CSMD1: variants seen among roughly 807,000 people sequenced by gnomAD.
CSMD1 encodes CUB and sushi domain-containing protein 1.
CSMD1 carries 213 observed loss-of-function variants against 417.5 expected under a neutral mutation model. That is an observed-to-expected ratio of 0.51 (90% confidence interval 0.46 to 0.57). The LOEUF (loss-of-function observed/expected upper bound fraction) is 0.57, where lower values mean the gene tolerates loss of function less well. CSMD1 is among the 20% of genes least tolerant of loss of function. The pLI is 0.00. For synonymous variants in CSMD1, 2,862 were observed against 1,736.8 expected (o/e 1.65, Z -16.11); for missense variants, 6,923 against 4,529.7 (o/e 1.53, Z -15.17).
chr8:4,471,221 T>C (rs1800511920), intron 2 of CSMD1, among the ~76,000 whole-genome samples: 1 of 152,188 alleles, frequency 6.6e-6, no homozygotes, highest in Admixed American at 6.5e-5. Flanking sequence ...AGAAAAAGTC[T>C]CGTGTTCCCC....
At chr8:3,224,298 T>C (rs574112023) in intron 27 of CSMD1, among the ~76,000 whole-genome samples, 119 of 152,362 alleles carry the variant, frequency 7.8e-4, no homozygotes, top group Non-Finnish European at 2.8e-4. Flanking sequence ...TCTCACAGTT[T>C]ATAAAATCAT....
At chr8:4,306,405 A>G (rs1237380152) in intron 3 of CSMD1, among the ~76,000 whole-genome samples, 1 of 9,382 alleles carries the variant, frequency 1.1e-4, no homozygotes, top group African/African-American at 5.1e-4. Flanking sequence ...CCTACAGAAC[A>G]AAAAAATACA....
At chr8:3,560,352 C>G (rs1216922092) in intron 10 of CSMD1, among the ~76,000 whole-genome samples, 1 of 151,884 alleles carries the variant, frequency 6.6e-6, no homozygotes, top group African/African-American at 2.4e-5. Context: ...TTATCATCAC[C>G]ACAGTTATAT....
At chr8:3,515,939 G>A (rs1383026363) in intron 10 of CSMD1, among the ~76,000 whole-genome samples, 4 of 152,208 alleles carry the variant, frequency 2.6e-5, no homozygotes, top group Non-Finnish European at 5.9e-5. Flanking sequence ...ATACTAGTAT[G>A]TGTTTGAGTG....
chr8:3,904,413 G>C (rs1247144226), intron 5 of CSMD1, among the ~76,000 whole-genome samples: 2 of 152,050 alleles, frequency 1.3e-5, no homozygotes, highest in African/African-American at 4.8e-5. Context: ...ACCTATGTTA[G>C]TGCTTCTCAA....
chr8:4,132,514 C>A (rs558615608), intron 3 of CSMD1, among the ~76,000 whole-genome samples: 1 of 152,084 alleles, frequency 6.6e-6, no homozygotes, highest in Non-Finnish European at 1.5e-5. Flanking sequence ...AGGCATTCCC[C>A]TGTTTCTGGG....
At chr8:4,436,650 A>G (rs541239249) in intron 2 of CSMD1, among the ~76,000 whole-genome samples, 16 of 152,066 alleles carry the variant, frequency 1.1e-4, no homozygotes, top group Non-Finnish European at 2.1e-4. Flanking sequence ...TCCATTAACA[A>G]TCACCACCTC....
chr8:4,147,989 G>A (rs544518276), intron 3 of CSMD1, among the ~76,000 whole-genome samples: 1 of 152,194 alleles, frequency 6.6e-6, no homozygotes, highest in East Asian at 1.9e-4. Context: ...GTAGAGGTTA[G>A]GTCTTAAAAC....
At chr8:3,807,881 G>C (rs1011063815) in intron 5 of CSMD1, among the ~76,000 whole-genome samples, 3 of 152,088 alleles carry the variant, frequency 2.0e-5, no homozygotes, top group African/African-American at 7.2e-5. Flanking sequence ...AAGTACAAAA[G>C]CAATCCCCTT....
chr8:4,296,263 C>A (rs1465005711), intron 3 of CSMD1, among the ~76,000 whole-genome samples: 1 of 152,050 alleles, frequency 6.6e-6, no homozygotes, highest in African/African-American at 2.4e-5. Context: ...GTTTATAGCA[C>A]CAGAATTCAG....
intron 6 of CSMD1, among the ~76,000 whole-genome samples, chr8:3,720,007 T>A (rs191022189): frequency 6.6e-6 from 1 of 152,134 alleles, no homozygotes; most frequent in Non-Finnish European, 1.5e-5. Flanking sequence ...ACATGGCAAA[T>A]AGAAGCACCT....
At chr8:4,113,487 C>G (rs917292828) in intron 3 of CSMD1, among the ~76,000 whole-genome samples, 3 of 147,232 alleles carry the variant, frequency 2.0e-5, no homozygotes, top group Non-Finnish European at 4.4e-5. Flanking sequence ...TCACTGCAAC[C>G]TCTGCCTCCC....
intron 2 of CSMD1, among the ~76,000 whole-genome samples, chr8:4,548,926 T>A (rs901729133): frequency 2.6e-5 from 4 of 152,232 alleles, no homozygotes. Flanking sequence ...AAATTTCTCT[T>A]ACCTCCATAT....
chr8:3,794,989 C>G (rs547340942), intron 5 of CSMD1, among the ~76,000 whole-genome samples: 88 of 147,180 alleles, frequency 6.0e-4, no homozygotes, highest in Non-Finnish European at 7.4e-4. Flanking sequence ...ATATATCTAT[C>G]TATCATGTAT....
chr8:4,645,193 C>G (rs1052761545), intron 1 of CSMD1, among the ~76,000 whole-genome samples: 1 of 152,020 alleles, frequency 6.6e-6, no homozygotes, highest in South Asian at 2.1e-4. Context: ...GGCATCTCTG[C>G]TTTTTCCTTC....
chr8:3,718,019 C>G (rs1801941287), intron 6 of CSMD1, among the ~76,000 whole-genome samples: 1 of 152,094 alleles, frequency 6.6e-6, no homozygotes, highest in South Asian at 2.1e-4. Flanking sequence ...TAACTAAAGC[C>G]TCTCTGCCCA....
chr8:3,230,076 G>T lies in CSMD1; in HGVS notation c.4309C>A (p.Arg1437=). 6.2e-7 allele frequency: 1 copy of T among 1,610,794 alleles called. No individual in the cohort carries two copies. The highest frequency in any genetic ancestry group is 1.3e-5 in the African/African-American group (1 of 74,906). ...AKITCVQLNN[R]FFWQPDPPTC... ...GGAGGGTCTGGTTGCCAAAAGAACC[G>T]GTTATTCAGCTGCACACAGGTGATT... The change falls in exon 27 of 70, where the codon CGG becomes AGG. Residue 1437 remains arginine (R), a synonymous_variant. Transcript: ENST00000635120.
intron 30 of CSMD1, among the ~76,000 whole-genome samples, chr8:3,209,220 G>C (rs980511345): frequency 5.3e-5 from 8 of 152,080 alleles, no homozygotes; most frequent in Admixed American, 3.3e-4. Flanking sequence ...GAACTACAAT[G>C]ATACGTTTCA....
intron 5 of CSMD1, among the ~76,000 whole-genome samples, chr8:3,827,652 C>A (rs1039862964): frequency 1.3e-5 from 2 of 152,180 alleles, no homozygotes; most frequent in African/African-American, 2.4e-5. Context: ...TCGAATAAAA[C>A]ATGATTTTTG....
Sources: allele counts gnomAD v4.1 joint callset (sites outside exome capture counted in the v4.1 genomes callset), GRCh38; gene constraint gnomAD v4.1.1; transcripts MANE v1.5; gene names NCBI Gene and HGNC (gene_info 2026-07-23, HGNC 2026-07-21).